The following AGBL4 variants were observed in gnomAD, a reference collection of about 807,000 sequenced individuals.
AGBL4 encodes AGBL carboxypeptidase 4, also known as cytosolic carboxypeptidase 6.
A neutral mutation model predicts 66.4 loss-of-function variants in AGBL4; 58 were observed. The observed-to-expected ratio is 0.87, with a 90% CI of 0.71 to 1.09. The LOEUF (loss-of-function observed/expected upper bound fraction) is 1.09, where lower values mean the gene tolerates loss of function less well. AGBL4 is among the 50% of genes least tolerant of loss of function. The pLI is 0.00. For missense variants in AGBL4, 579 were observed against 631.0 expected, an observed-to-expected ratio of 0.92 and a Z score of 0.88; for synonymous variants, 234 against 222.9, an observed-to-expected ratio of 1.05 and a Z score of -0.44.
chr1:50,002,988 A>G (rs1012449198), intron 1 of AGBL4, among the ~76,000 whole-genome samples: 1 of 152,228 alleles, frequency 6.6e-6, no homozygotes, highest in African/African-American at 2.4e-5. Flanking sequence ...ACAAAAAAGT[A>G]AAGTCCAAGG....
chr1:49,830,059 C>G (rs1052566908), intron 2 of AGBL4, among the ~76,000 whole-genome samples: 1 of 152,082 alleles, frequency 6.6e-6, no homozygotes, highest in Non-Finnish European at 1.5e-5. Context: ...CTATTGTGAA[C>G]AGTGCTGCAA....
chr1:49,841,718 C>T, intron 2 of AGBL4: 1 of 258,122 alleles, frequency 3.9e-6, no homozygotes, highest in Non-Finnish European at 7.5e-6. Context: ...CAAGAGGTGA[C>T]TTGGGTGCTG....
intron 5 of AGBL4, among the ~76,000 whole-genome samples, chr1:48,946,801 C>G (rs973163650): frequency 1.3e-5 from 2 of 152,124 alleles, no homozygotes; most frequent in African/African-American, 4.8e-5. Flanking sequence ...GCTGGGAGGG[C>G]TTGATAGCCC....
chr1:49,990,253 C>G (rs1003936343), intron 1 of AGBL4, among the ~76,000 whole-genome samples: 1 of 152,166 alleles, frequency 6.6e-6, no homozygotes, highest in Non-Finnish European at 1.5e-5. Flanking sequence ...TCTGTCCCCA[C>G]CCAAATCTCA....
chr1:49,816,630 G>A (rs1645238880), intron 2 of AGBL4, among the ~76,000 whole-genome samples: 1 of 152,154 alleles, frequency 6.6e-6, no homozygotes, highest in Admixed American at 6.5e-5. Flanking sequence ...TGAGTGATGA[G>A]TAAGACTTTG....
At chr1:49,087,036 G>GAAAA (rs113009966) in intron 4 of AGBL4, among the ~76,000 whole-genome samples, 1 of 139,108 alleles carries the variant, frequency 7.2e-6, no homozygotes. Flanking sequence ...GAAGGTAAAA[G>GAAAA]AAAAAAAAAA....
intron 5 of AGBL4, among the ~76,000 whole-genome samples, chr1:48,986,520 A>G (rs1215913900): frequency 6.6e-6 from 1 of 152,086 alleles, no homozygotes; most frequent in East Asian, 1.9e-4. Context: ...TGTCTGAAGT[A>G]TGGAAAGAAA....
At chr1:49,860,881 A>G (rs551430287) in intron 1 of AGBL4, among the ~76,000 whole-genome samples, 12 of 152,156 alleles carry the variant, frequency 7.9e-5, no homozygotes, top group African/African-American at 2.4e-4. Context: ...TTTTAACTTC[A>G]TATCACTGAA....
intron 3 of AGBL4, among the ~76,000 whole-genome samples, chr1:49,674,571 T>TACACACACAC (rs139707283): frequency 2.4e-4 from 35 of 143,794 alleles, no homozygotes; most frequent in African/African-American, 8.1e-4. Flanking sequence ...AAGAATAAAA[T>TACACACACAC]ACACACACAC....
At chr1:49,363,005 G>A (rs910694618) in intron 3 of AGBL4, among the ~76,000 whole-genome samples, 9 of 152,098 alleles carry the variant, frequency 5.9e-5, no homozygotes, top group African/African-American at 2.2e-4. Flanking sequence ...GCATATAAGG[G>A]TCAGCAACTG....
intron 5 of AGBL4, among the ~76,000 whole-genome samples, chr1:48,966,235 A>C (rs1287085033): frequency 1.3e-5 from 2 of 152,172 alleles, no homozygotes; most frequent in Non-Finnish European, 2.9e-5. Context: ...GAGCAATCAA[A>C]TGTATGTCTC....
chr1:49,104,952 C>T (rs537715637), intron 4 of AGBL4, among the ~76,000 whole-genome samples: 12 of 152,216 alleles, frequency 7.9e-5, no homozygotes, highest in South Asian at 4.1e-4. Flanking sequence ...ATTTCTTACA[C>T]GAAAAATGGG....
intron 3 of AGBL4, among the ~76,000 whole-genome samples, chr1:49,696,270 A>C (rs1646982239): frequency 6.6e-6 from 1 of 152,140 alleles, no homozygotes; most frequent in Admixed American, 6.6e-5. Flanking sequence ...GAGTTTTATT[A>C]ATGTTTATTC....
intron 1 of AGBL4, among the ~76,000 whole-genome samples, chr1:49,978,207 T>C (rs1356534669): frequency 6.6e-6 from 1 of 152,166 alleles, no homozygotes; most frequent in Non-Finnish European, 1.5e-5. Context: ...GCTAGAACTT[T>C]GGAGGCCAAG....
intron 2 of AGBL4, among the ~76,000 whole-genome samples, chr1:49,726,715 C>A (rs1185036504): frequency 6.6e-6 from 1 of 152,060 alleles, no homozygotes; most frequent in Non-Finnish European, 1.5e-5. Flanking sequence ...CAGGAACCAG[C>A]ACAACTCTAA....
chr1:49,839,877 G>A (rs922174545), intron 2 of AGBL4, among the ~76,000 whole-genome samples: 12 of 152,230 alleles, frequency 7.9e-5, no homozygotes, highest in South Asian at 2.1e-4. Flanking sequence ...GAAATTCCAC[G>A]AGGGACAAGA....
chr1:49,939,766 A>T (rs1388802036), intron 1 of AGBL4, among the ~76,000 whole-genome samples: 2 of 152,234 alleles, frequency 1.3e-5, no homozygotes, highest in East Asian at 3.8e-4. Flanking sequence ...AAACCTAGGC[A>T]TTACCATTCA....
At chr1:49,045,987 A>G (rs1042380305) in intron 4 of AGBL4, among the ~76,000 whole-genome samples, 187 bp from the exon 5 acceptor site, 1 of 152,218 alleles carries the variant, frequency 6.6e-6, no homozygotes, top group Non-Finnish European at 1.5e-5. Context: ...CTCTTTGCTC[A>G]CAATCCAGTG....
At chr1:49,490,313 A>C in intron 3 of AGBL4, among the ~76,000 whole-genome samples, 1 of 151,868 alleles carries the variant, frequency 6.6e-6, no homozygotes, top group East Asian at 1.9e-4. Flanking sequence ...TAATGTTGTA[A>C]CTTATTTTAA....
Sources: gnomAD v4.1 joint callset for allele counts (sites outside exome capture counted in the v4.1 genomes callset) on GRCh38, gnomAD v4.1.1 for gene constraint, MANE v1.5 for transcripts, NCBI Gene and HGNC (gene_info 2026-07-23, HGNC 2026-07-21) for gene names.